Variants in SSBP4 observed in about 807,000 individuals in gnomAD.
SSBP4 encodes the protein single stranded DNA binding protein 4.
Under a neutral mutation model 64.6 loss-of-function variants are expected in SSBP4, and 33 were observed. The ratio of observed to expected loss-of-function variants is 0.51; its 90% CI spans 0.39 to 0.68. The LOEUF (loss-of-function observed/expected upper bound fraction) is 0.68, where lower values mean the gene tolerates loss of function less well. Among genes scored for constraint, SSBP4 ranks in the 30% least tolerant of loss-of-function variants. SSBP4 has a pLI of 0.00. For missense variants in SSBP4, 583 were observed against 566.8 expected, an observed-to-expected ratio of 1.03 and a Z score of -0.29; for synonymous variants, 243 against 224.0, an observed-to-expected ratio of 1.08 and a Z score of -0.76.
Position 18,426,869 on chromosome 19 carries a change from T to C in SSBP4, c.60-482T>C, listed in dbSNP as rs1972892131. ...TTGAGGCCACCATGGTGGATGGGCA[T>C]CTCTTCCCCAAGGAAGAGATGGGGT... On this transcript the variant is annotated intron_variant, in intron 1 of 17. Transcript: ENST00000270061. The surrounding 1 kb of genome is among the most constrained non-coding windows in gnomAD (Gnocchi z 4.5). Among the ~76,000 whole-genome samples, 1 of 152,078 alleles carries C rather than the reference T, an allele frequency of 6.6e-6. No homozygotes were observed. Among genetic ancestry groups the C allele is most frequent in the Non-Finnish European group, 1.5e-5 (1 of 67,986 alleles).
chr19:18,420,830 G>A (rs970641254), intron 1 of SSBP4, among the ~76,000 whole-genome samples: 3 of 150,520 alleles, frequency 2.0e-5, no homozygotes, highest in East Asian at 1.9e-4. Flanking sequence ...CCAGCCTGGC[G>A]ACAGAGCCAG....
intron 1 of SSBP4, among the ~76,000 whole-genome samples, chr19:18,425,321 C>T (rs1027604175): frequency 6.6e-6 from 1 of 152,160 alleles, no homozygotes; most frequent in African/African-American, 2.4e-5. Context: ...CGCTCACCAG[C>T]GTTCCTGCAA....
At chr19:18,410,879 A>G in the SSBP4 span, among the ~76,000 whole-genome samples, 1 of 152,208 alleles carries the variant, frequency 6.6e-6, no homozygotes, top group Admixed American at 6.5e-5. Context: ...CAGAGGGGAC[A>G]TTGGTAATCT....
intron 10 of SSBP4, among the ~76,000 whole-genome samples, 156 bp downstream of exon 10, chr19:18,432,370 A>G (rs546621246): frequency 1.3e-5 from 2 of 152,306 alleles, no homozygotes; most frequent in African/African-American, 2.4e-5. Flanking sequence ...TGAAGTAGCA[A>G]TTAGTCTCCT....
chr19:18,434,159 C>G (rs1214639697), intron 17 of SSBP4, 58 bp from the exon 18 acceptor site: 6 of 1,607,354 alleles, frequency 3.7e-6, no homozygotes, highest in Non-Finnish European at 4.2e-6. Context: ...GGGGCGGGTC[C>G]CAGCCTCTTC....
Position 18,432,205 on chromosome 19 carries a change from C to G in SSBP4, c.695C>G (p.Ala232Gly), listed in dbSNP as rs140235269. 1 of 1,613,148 alleles carries G rather than the reference C, an allele frequency of 6.2e-7. No homozygotes were observed. The highest frequency in any genetic ancestry group is 8.5e-7 in the Non-Finnish European group (1 of 1,179,968). ...PNSLAGPGLP[A>G]MNMGPGVRGP... ...TCCCTCGCCGGCCCAGGCCTGCCTG[C>G]CATGAACATGTAAGACCCTGGGGGA... Residue 232 changes from alanine to glycine, a missense_variant, in exon 10 of 18, where the codon GCC (alanine) becomes GGC (glycine). Around this residue, in one of 5 missense-constraint regions of SSBP4, gnomAD observed 444 missense variants for 386.6 expected, o/e 1.15. Coordinates refer to ENST00000270061, the MANE Select transcript of SSBP4 (RefSeq NM_032627.5).
Position 18,434,249 on chromosome 19 carries a change from G to T in SSBP4, c.*3G>T, listed in dbSNP as rs778428456. The T allele has an allele frequency of 1.2e-6, 2 of 1,611,496 alleles. No homozygotes were observed. Among genetic ancestry groups the T allele is most frequent in the Non-Finnish European group, 1.7e-6 (2 of 1,179,410 alleles). Reference sequence around the variant, plus strand: ...CAGGGATGACCATGAGCGTGTGATGGGGCGGCAGCCCCGGGCCTCTCTGCG... The same window carrying T: ...CAGGGATGACCATGAGCGTGTGATGTGGCGGCAGCCCCGGGCCTCTCTGCG... On this transcript the variant is annotated 3_prime_UTR_variant, in exon 18 of 18. Transcript: ENST00000270061.
In SSBP4 at chr19:18,427,237, G is replaced by A; in HGVS notation, c.60-114G>A. The A allele has an allele frequency of 9.6e-7, 1 of 1,042,828 alleles. No individual in the cohort carries two copies. The highest frequency in any genetic ancestry group is 1.4e-6 in the Non-Finnish European group (1 of 706,166). 64.6% of individuals were successfully genotyped at this position (1,042,828 alleles called of 1,614,324 possible). A position where few individuals can be genotyped will look rare whatever the true frequency, so the allele number is the denominator to read the frequency against. On this transcript the variant is annotated intron_variant, in intron 1 of 17. Transcript: ENST00000270061. The surrounding 1 kb of genome is among the most constrained non-coding windows in gnomAD (Gnocchi z 4.4). ...TGGATAACTATGAGCTGTCCCTGCT[G>A]AGCAGCTGGTGGGGAGGCCACCTTT...
chr19:18,431,469 C>A, intron 6 of SSBP4, 51 bp downstream of exon 6: 1 of 1,078,684 alleles, frequency 9.3e-7, no homozygotes, highest in Admixed American at 2.7e-5. Context: ...CCTCCCCCAG[C>A]GCCGCCCCCT....
At chr19:18,429,316 C>A (rs1015557619) in intron 4 of SSBP4, among the ~76,000 whole-genome samples, 1 of 151,892 alleles carries the variant, frequency 6.6e-6, no homozygotes, top group Non-Finnish European at 1.5e-5. Context: ...CGCCGGAGCG[C>A]CCAGCCCATC....
In SSBP4 at chr19:18,433,125, A is replaced by G. The variant is rs1267638441; in HGVS notation, c.913-10A>G. On this transcript the variant is annotated splice_polypyrimidine_tract_variant and intron_variant, in intron 14 of 17. Coordinates refer to ENST00000270061, the MANE Select transcript of SSBP4 (RefSeq NM_032627.5). ...GTGGCCCGAGTCCCACGCTGTCCCC[A>G]TGCCCGCAGTTCCCGCTCGGCCCTG... 1 of 1,610,982 alleles carries G rather than the reference A, an allele frequency of 6.2e-7. No homozygotes were observed. The highest frequency in any genetic ancestry group is 8.5e-7 in the Non-Finnish European group (1 of 1,179,034).
At chr19:18,434,136 C>T in intron 17 of SSBP4, 81 bp from the exon 18 acceptor site, 2 of 1,598,776 alleles carry the variant, frequency 1.3e-6, no homozygotes, top group South Asian at 1.1e-5. Context: ...TGCCCTGTCC[C>T]CCATTGTCCC....
In SSBP4 at chr19:18,431,639, T is replaced by G; in HGVS notation, c.436-8T>G. 6.5e-7 allele frequency: 1 copy of G among 1,543,918 alleles called. No homozygotes were observed. The highest frequency in any genetic ancestry group is 1.2e-5 in the South Asian group (1 of 84,088). On this transcript the variant is annotated splice_region_variant and splice_polypyrimidine_tract_variant and intron_variant, in intron 6 of 17. Transcript: ENST00000270061. Reference sequence around the variant, plus strand: ...GGGAAGGTGCTGATCCCCGCCCACCTCTTCCAGCCCTTCATGTCACCGCGC... The same window carrying G: ...GGGAAGGTGCTGATCCCCGCCCACCGCTTCCAGCCCTTCATGTCACCGCGC...
At chr19:18,432,756 G>C (rs1200996551) in intron 12 of SSBP4, 21 bp downstream of exon 12, 2 of 1,608,896 alleles carry the variant, frequency 1.2e-6, no homozygotes, top group Non-Finnish European at 1.7e-6. Flanking sequence ...GCAAAGCTGG[G>C]TCACCCCTGG....
chr19:18,433,789 C>G lies in SSBP4; in HGVS notation c.1100C>G (p.Thr367Ser), dbSNP rs1973735220. Residue 367 changes from threonine (T) to serine (S), a missense_variant, in exon 17 of 18, where the codon ACC becomes AGC. By Grantham distance (58) the Thr-to-Ser change is moderately conservative. Coordinates refer to ENST00000270061, the MANE Select transcript of SSBP4 (RefSeq NM_032627.5). ...GACGGCGAGATGGCGGCCGCCGGGACCTTCCTGCACCCGTTCCCGAGCGAA... is the reference window on the plus strand; with the variant it reads ...GACGGCGAGATGGCGGCCGCCGGGAGCTTCCTGCACCCGTTCCCGAGCGAA... The part of the protein sequence containing the change: ...RDDGEMAAAG[T>S]FLHPFPSESY... 3.5e-6 allele frequency: 5 copies of G among 1,438,824 alleles called. No homozygotes were observed. The Admixed American group carries it at 1.4e-4, about 40-fold the overall frequency. 89.1% of individuals were successfully genotyped at this position (1,438,824 alleles called of 1,614,324 possible).
At chr19:18,431,054 C>T in intron 5 of SSBP4, 124 bp downstream of exon 5, 2 of 1,183,136 alleles carry the variant, frequency 1.7e-6, no homozygotes, top group Non-Finnish European at 2.4e-6. Context: ...GGAGGGTCCT[C>T]TGTGCCGCAG....
At chr19:18,417,817 C>G (rs1019788136), upstream of SSBP4, among the ~76,000 whole-genome samples, 2 of 152,128 alleles carry the variant, frequency 1.3e-5, no homozygotes, top group African/African-American at 4.8e-5. This position sits in a 1 kb window ranked among gnomAD's most constrained non-coding sequence, Gnocchi z 5.4. Flanking sequence ...CCTTCCCTTC[C>G]TCTCCGCGGG....
the SSBP4 span, among the ~76,000 whole-genome samples, chr19:18,405,497 CAAAAA>C: frequency 8.0e-6 from 1 of 124,268 alleles, no homozygotes; most frequent in African/African-American, 2.9e-5. Flanking sequence ...TCTGTCTCTA[CAAAAA>C]AAAAAAAAAA....
Position 18,432,995 on chromosome 19 carries a change from C to T in SSBP4, c.864C>T (p.Asn288=). The part of the protein sequence containing the change: ...SPGDSTNSSE[N]MYTIMNPIGQ... The stretch of plus-strand genomic sequence containing the variant: ...CAGATTCCACCAACTCCAGCGAAAA[C>T]ATGTACACTATCATGAACCCCATCG... Residue 288 remains asparagine, a synonymous_variant, in exon 14 of 18, where the codon AAC becomes AAT. Coordinates refer to ENST00000270061, the MANE Select transcript of SSBP4 (RefSeq NM_032627.5). 14 of 1,614,186 alleles carry T rather than the reference C, an allele frequency of 8.7e-6. No individual in the cohort carries two copies. The highest frequency in any genetic ancestry group is 1.2e-5 in the Non-Finnish European group (14 of 1,180,026).
Sources: gnomAD v4.1 joint callset for allele counts (sites outside exome capture counted in the v4.1 genomes callset) on GRCh38, gnomAD v4.1.1 for gene constraint, gnomAD v4.1.1 regional missense constraint, Gnocchi (gnomAD v3.1) non-coding constraint, MANE v1.5 for transcripts, NCBI Gene and HGNC (gene_info 2026-07-23, HGNC 2026-07-21) for gene names.